Variants in PPP2R2A observed in about 807,000 individuals in gnomAD.
The protein encoded by PPP2R2A is protein phosphatase 2 regulatory subunit Balpha.
A neutral mutation model predicts 53.2 loss-of-function variants in PPP2R2A; 9 were observed. The observed-to-expected ratio is 0.17, with a 90% confidence interval of 0.10 to 0.30. PPP2R2A has a LOEUF of 0.30. Ranked by LOEUF, PPP2R2A falls within the 10% of genes least tolerant of loss-of-function variation. The probability of loss-of-function intolerance (pLI) is 1.00; values close to 1 mark genes in which losing one functional copy is unlikely to be tolerated. For missense variants in PPP2R2A, 235 were observed against 534.6 expected, an observed-to-expected ratio of 0.44 and a Z score of 5.53; for synonymous variants, 169 against 174.2, an observed-to-expected ratio of 0.97 and a Z score of 0.23.
intron 3 of PPP2R2A, among the ~76,000 whole-genome samples, chr8:26,343,927 ATCC>A (rs1804079325): frequency 1.3e-5 from 2 of 152,082 alleles, no homozygotes; most frequent in Admixed American, 1.3e-4. Flanking sequence ...TTTTCCCCCC[ATCC>A]AGGCTTATAA....
chr8:26,342,525 C>T (rs1364717110), intron 3 of PPP2R2A, among the ~76,000 whole-genome samples: 3 of 152,142 alleles, frequency 2.0e-5, no homozygotes, highest in Non-Finnish European at 2.9e-5. Context: ...AGTTGGGTTG[C>T]TCAGACCTTC....
At chr8:26,292,289 G>T (rs1420215927) in intron 1 of PPP2R2A, 1 of 992,680 alleles carries the variant, frequency 1.0e-6, no homozygotes, top group East Asian at 1.1e-4. Flanking sequence ...AAGGAAGAGC[G>T]CCTTATAAGT....
At chr8:26,359,309 A>G (rs933705827) in intron 4 of PPP2R2A, among the ~76,000 whole-genome samples, 27 of 152,196 alleles carry the variant, frequency 1.8e-4, no homozygotes, top group South Asian at 1.0e-3. Context: ...CAGAAAAGGA[A>G]TGTTAGTGGA....
At chr8:26,356,146 A>G (rs544410150) in intron 4 of PPP2R2A, among the ~76,000 whole-genome samples, 25 of 152,372 alleles carry the variant, frequency 1.6e-4, no homozygotes, top group Non-Finnish European at 2.5e-4. Flanking sequence ...CTATTAATTT[A>G]AAAAGCAAAT....
In PPP2R2A at chr8:26,354,442, T is replaced by G. The variant is rs763172873; in HGVS notation, c.181-26T>G. 15 of 1,478,502 alleles carry G rather than the reference T, an allele frequency of 1.0e-5. No individual in the cohort carries two copies. The South Asian group carries it at 2.1e-4, about 21-fold the overall frequency. The allele number at this position is 1,478,502 out of a possible 1,614,324, so 91.6% of individuals were successfully genotyped here. Reference sequence around the variant, plus strand: ...ATTTTGAAATATTTTTCAACAATGGTCCATATATTTTTGTTTTCATTTTAG... The same window carrying G: ...ATTTTGAAATATTTTTCAACAATGGGCCATATATTTTTGTTTTCATTTTAG... On this transcript the variant is annotated intron_variant, in intron 3 of 9. Coordinates refer to ENST00000380737, the MANE Select transcript of PPP2R2A (RefSeq NM_002717.4). This position sits in a 1 kb window ranked among gnomAD's most constrained non-coding sequence, Gnocchi z 4.6.
At chr8:26,342,623 G>A (rs1016742556) in intron 3 of PPP2R2A, among the ~76,000 whole-genome samples, 1 of 152,160 alleles carries the variant, frequency 6.6e-6, no homozygotes, top group Non-Finnish European at 1.5e-5. Flanking sequence ...CAGAAGGTGA[G>A]GAGGGAGGTT....
chr8:26,310,760 G>A (rs1802255524), intron 2 of PPP2R2A, among the ~76,000 whole-genome samples: 1 of 151,628 alleles, frequency 6.6e-6, no homozygotes, highest in South Asian at 2.1e-4. Context: ...GTGAATGGGA[G>A]TGGCCATTTC....
At chr8:26,341,805 T>A (rs1412310990) in intron 3 of PPP2R2A, among the ~76,000 whole-genome samples, 3 of 152,228 alleles carry the variant, frequency 2.0e-5, no homozygotes, top group Non-Finnish European at 4.4e-5. Context: ...CCACTCATTT[T>A]TATTGTCTTT....
intron 2 of PPP2R2A, among the ~76,000 whole-genome samples, chr8:26,309,464 T>C (rs1001256916): frequency 2.0e-5 from 3 of 152,174 alleles, no homozygotes; most frequent in Non-Finnish European, 2.9e-5. Context: ...TCAATGAGCA[T>C]TGGCCTCAAC....
intron 2 of PPP2R2A, among the ~76,000 whole-genome samples, chr8:26,306,492 AAAG>A (rs1403809912): frequency 1.6e-4 from 24 of 151,584 alleles, no homozygotes; most frequent in African/African-American, 5.3e-4. Context: ...AAAAAAAAAA[AAAG>A]TTTTCTAGAG....
intron 2 of PPP2R2A, among the ~76,000 whole-genome samples, chr8:26,335,479 C>T (rs1320711728): frequency 2.0e-5 from 3 of 152,034 alleles, no homozygotes; most frequent in African/African-American, 4.8e-5. Flanking sequence ...TAAATATATG[C>T]GGTATAAAGA....
At chr8:26,302,743 G>C (rs1801844447) in intron 2 of PPP2R2A, among the ~76,000 whole-genome samples, 1 of 152,182 alleles carries the variant, frequency 6.6e-6, no homozygotes, top group African/African-American at 2.4e-5. Flanking sequence ...AAGCAATTAA[G>C]AGAATCTTCA....
intron 2 of PPP2R2A, among the ~76,000 whole-genome samples, chr8:26,320,630 T>C (rs975367278): frequency 6.6e-6 from 1 of 152,230 alleles, no homozygotes; most frequent in Non-Finnish European, 1.5e-5. Context: ...AATTAGTTCA[T>C]ACTGCTGAGC....
At chr8:26,352,494 A>G (rs1367319211) in intron 3 of PPP2R2A, among the ~76,000 whole-genome samples, 1 of 152,050 alleles carries the variant, frequency 6.6e-6, no homozygotes, top group Non-Finnish European at 1.5e-5. Context: ...CTTGTTTTTA[A>G]AAGTTCTGTT....
chr8:26,304,068 A>T (rs1801907062), intron 2 of PPP2R2A, among the ~76,000 whole-genome samples: 1 of 152,132 alleles, frequency 6.6e-6, no homozygotes, highest in Admixed American at 6.5e-5. Flanking sequence ...TCTAATCTTG[A>T]GTTATGCCTG....
intron 2 of PPP2R2A, among the ~76,000 whole-genome samples, chr8:26,294,404 A>G (rs367916699): frequency 6.6e-6 from 1 of 152,138 alleles, no homozygotes; most frequent in South Asian, 2.1e-4. Context: ...TTCTCCCCAA[A>G]TTTATTTTCT....
chr8:26,367,738 A>T (rs773460925), intron 9 of PPP2R2A, among the ~76,000 whole-genome samples: 4 of 152,222 alleles, frequency 2.6e-5, no homozygotes, highest in Admixed American at 6.5e-5. Flanking sequence ...ACACTTTCCA[A>T]CATAGTGACA....
At chr8:26,332,644 TA>T (rs542042557) in intron 2 of PPP2R2A, among the ~76,000 whole-genome samples, 276 of 152,290 alleles carry the variant, frequency 1.8e-3, no homozygotes, top group Non-Finnish European at 3.3e-3. Context: ...TTAGCCACAT[TA>T]GGGGGTAGAA....
intron 3 of PPP2R2A, among the ~76,000 whole-genome samples, chr8:26,347,054 C>T (rs1345828607): frequency 6.6e-6 from 1 of 152,026 alleles, no homozygotes; most frequent in East Asian, 1.9e-4. Flanking sequence ...ATTAAATTCC[C>T]AAAGTTATCC....
Sources: allele counts gnomAD v4.1 joint callset (sites outside exome capture counted in the v4.1 genomes callset), GRCh38; gene constraint gnomAD v4.1.1; non-coding constraint Gnocchi (gnomAD v3.1); transcripts MANE v1.5; gene names NCBI Gene and HGNC (gene_info 2026-07-23, HGNC 2026-07-21).